The following FARP1 variants were observed in gnomAD, a reference collection of about 807,000 sequenced individuals.
FARP1 encodes FERM, ARHGEF and pleckstrin domain-containing protein 1.
In FARP1, 52 loss-of-function variants were observed where a neutral mutation model predicts 128.8. The ratio of observed to expected loss-of-function variants is 0.40; its 90% confidence interval spans 0.32 to 0.51. The LOEUF (loss-of-function observed/expected upper bound fraction) is 0.51. Ranked by LOEUF, FARP1 falls within the 20% of genes least tolerant of loss-of-function variation. The probability of loss-of-function intolerance (pLI) is 0.45; values close to 1 mark genes in which losing one functional copy is unlikely to be tolerated. For synonymous variants in FARP1, 580 were observed against 551.8 expected (o/e 1.05, Z -0.72); for missense variants, 1,333 against 1,367.9 (o/e 0.97, Z 0.40).
intron 1 of FARP1, among the ~76,000 whole-genome samples, chr13:98,147,352 C>T (rs1875647393): frequency 6.6e-6 from 1 of 152,042 alleles, no homozygotes; most frequent in Non-Finnish European, 1.5e-5. Context: ...TTATGAACTT[C>T]AAGACTTGCA....
chr13:98,222,714 C>T (rs182263014), intron 2 of FARP1, among the ~76,000 whole-genome samples: 14 of 151,580 alleles, frequency 9.2e-5, no homozygotes, highest in Admixed American at 7.2e-4. Context: ...CTCCGCCTCC[C>T]GGGTTCAAGT....
intron 2 of FARP1, among the ~76,000 whole-genome samples, chr13:98,237,124 G>A (rs1470424185): frequency 5.3e-5 from 8 of 151,924 alleles, no homozygotes; most frequent in Admixed American, 5.2e-4. Context: ...GACCAACATG[G>A]CGAAAACCCA....
At chr13:98,277,109 TACACACACACACACACACACACACAC>T (rs368911842) in intron 2 of FARP1, among the ~76,000 whole-genome samples, 1 of 118,140 alleles carries the variant, frequency 8.5e-6, no homozygotes. Flanking sequence ...TCTAGAAAAA[TACACACACACACACACACACACACAC>T]ACACACACAC....
chr13:98,184,694 C>T (rs1291999759), intron 1 of FARP1, among the ~76,000 whole-genome samples: 1 of 152,192 alleles, frequency 6.6e-6, no homozygotes, highest in Non-Finnish European at 1.5e-5. Flanking sequence ...GTGGCCAACT[C>T]CACAGCCTTT....
At chr13:98,332,457 A>G (rs1322593554) in intron 2 of FARP1, 1 of 151,808 alleles carries the variant, frequency 6.6e-6, no homozygotes, top group Non-Finnish European at 1.5e-5. Context: ...ACCCCCACTC[A>G]CTCCCGTGGT....
At chr13:98,345,663 A>G (rs1393668580) in intron 3 of FARP1, 1 of 152,216 alleles carries the variant, frequency 6.6e-6, no homozygotes, top group South Asian at 2.1e-4. Flanking sequence ...AGTGCTTCCT[A>G]TGTGCTGGAG....
intron 3 of FARP1, among the ~76,000 whole-genome samples, chr13:98,348,374 C>T (rs1368134207): frequency 6.6e-6 from 1 of 152,230 alleles, no homozygotes; most frequent in East Asian, 1.9e-4. Context: ...ATCAAGACCC[C>T]GTGCTTATTA....
At chr13:98,169,615 A>T (rs1355780036) in intron 1 of FARP1, among the ~76,000 whole-genome samples, 1 of 152,180 alleles carries the variant, frequency 6.6e-6, no homozygotes, top group East Asian at 1.9e-4. Flanking sequence ...TTCCTTGATA[A>T]TTTTACTACA....
At chr13:98,255,613 G>A (rs1005418627) in intron 2 of FARP1, among the ~76,000 whole-genome samples, 10 of 152,198 alleles carry the variant, frequency 6.6e-5, no homozygotes, top group Admixed American at 2.0e-4. Context: ...TTGCCTTCAT[G>A]GGTTGGTTTT....
chr13:98,326,497 TTG>T (rs1887239928), intron 2 of FARP1, among the ~76,000 whole-genome samples: 1 of 152,230 alleles, frequency 6.6e-6, no homozygotes, highest in South Asian at 2.1e-4. Flanking sequence ...AAGCACCATT[TTG>T]TTTTCTGTTT....
chr13:98,185,836 T>C (rs9584766), intron 1 of FARP1, among the ~76,000 whole-genome samples: 53,848 of 151,812 alleles, frequency 0.35, 10,669 homozygotes, highest in Non-Finnish European at 0.44. Context: ...TAGCTGGGAT[T>C]ATAGGTGCGT....
intron 3 of FARP1, among the ~76,000 whole-genome samples, chr13:98,351,590 C>A (rs576691784): frequency 4.6e-5 from 6 of 130,244 alleles, no homozygotes; most frequent in East Asian, 4.5e-4. Flanking sequence ...CCAGCCTGGG[C>A]AACAAAGCAA....
upstream of FARP1, chr13:98,142,894 C>A (rs1014307308): frequency 6.6e-6 from 1 of 151,766 alleles, no homozygotes; most frequent in South Asian, 2.1e-4. Context: ...AGGCGCAGAT[C>A]CCCGGCGGCG....
intron 16 of FARP1, among the ~76,000 whole-genome samples, chr13:98,415,318 A>T (rs1449581877): frequency 6.6e-6 from 1 of 152,170 alleles, no homozygotes; most frequent in Admixed American, 6.5e-5. Flanking sequence ...TTCTGCAACA[A>T]CCGACCCTGC....
intron 2 of FARP1, among the ~76,000 whole-genome samples, chr13:98,307,635 T>TGGC (rs2139726219): frequency 6.6e-6 from 1 of 152,306 alleles, no homozygotes; most frequent in South Asian, 2.1e-4. Context: ...CCACACCAAG[T>TGGC]CTCAAGTCCC....
chr13:98,446,184 G>GTTC lies in FARP1; in HGVS notation c.2888_2890dup (p.Phe963dup), dbSNP rs1390774650. On this transcript the variant is annotated inframe_insertion, in exon 25 of 27. Transcript: ENST00000319562. ...GGGTGGTGTTCACAAACTTCTGCCTGTTCTTCTACAAATCACACCAGGTAA... is the reference window on the plus strand; with the variant it reads ...GGGTGGTGTTCACAAACTTCTGCCTGTTCTTCTTCTACAAATCACACCAGGTAA... 1.9e-6 allele frequency: 3 copies of GTTC among 1,613,112 alleles called. No homozygotes were observed. Among genetic ancestry groups the GTTC allele is most frequent in the Non-Finnish European group, 2.5e-6 (3 of 1,179,118 alleles).
At chr13:98,257,529 T>G (rs1192334424) in intron 2 of FARP1, among the ~76,000 whole-genome samples, 1 of 152,156 alleles carries the variant, frequency 6.6e-6, no homozygotes, top group Admixed American at 6.5e-5. Flanking sequence ...TCCCAGCACT[T>G]TGGGACGCCA....
chr13:98,387,928 TTAAAA>T (rs1488657863), intron 8 of FARP1, among the ~76,000 whole-genome samples: 1 of 152,150 alleles, frequency 6.6e-6, no homozygotes, highest in African/African-American at 2.4e-5. Flanking sequence ...TTGCAGCAAA[TTAAAA>T]TAAATCCACG....
chr13:98,261,518 C>CT (rs11407005), intron 2 of FARP1, among the ~76,000 whole-genome samples: 14,704 of 139,856 alleles, frequency 0.11, 1,762 homozygotes, highest in African/African-American at 0.3. Flanking sequence ...TGTCTGTGTA[C>CT]TTTTTTTTTT....
Sources: gnomAD v4.1 joint callset for allele counts (sites outside exome capture counted in the v4.1 genomes callset) on GRCh38, gnomAD v4.1.1 for gene constraint, MANE v1.5 for transcripts, NCBI Gene and HGNC (gene_info 2026-07-23, HGNC 2026-07-21) for gene names.